AFG1L: variants seen among roughly 807,000 people sequenced by gnomAD.
The protein encoded by AFG1L is AFG1 like ATPase.
In AFG1L, 53 loss-of-function variants were observed where a neutral mutation model predicts 62.2. The ratio of observed to expected loss-of-function variants is 0.85; its 90% CI spans 0.68 to 1.07. AFG1L has a LOEUF of 1.07. Ranked by LOEUF, AFG1L falls within the 50% of genes least tolerant of loss-of-function variation. The probability of loss-of-function intolerance (pLI) is 0.00; values close to 1 mark genes in which losing one functional copy is unlikely to be tolerated. For missense variants in AFG1L, 555 were observed against 590.5 expected (o/e 0.94, Z 0.62); for synonymous variants, 228 against 210.3 (o/e 1.08, Z -0.73).
intron 1 of AFG1L, among the ~76,000 whole-genome samples, chr6:108,300,918 C>T (rs1409584335): frequency 6.6e-6 from 1 of 152,106 alleles, no homozygotes; most frequent in African/African-American, 2.4e-5. Flanking sequence ...GTGATCCGCC[C>T]GACTTGACCT....
intron 7 of AFG1L, among the ~76,000 whole-genome samples, chr6:108,446,015 CAAT>C (rs1412123336): frequency 6.7e-6 from 1 of 148,966 alleles, no homozygotes; most frequent in Admixed American, 6.7e-5. Context: ...AAGGGAAACA[CAAT>C]AAAATGAAGT....
chr6:108,315,092 C>T (rs894678126), intron 1 of AFG1L, among the ~76,000 whole-genome samples: 5 of 152,106 alleles, frequency 3.3e-5, no homozygotes, highest in African/African-American at 4.8e-5. Context: ...AGTGATCTGC[C>T]TGCCTCGAAC....
At position 108,356,697 on chromosome 6, in the gene AFG1L, T is replaced by C. The variant is rs1276606437; in HGVS notation, c.525T>C (p.His175=). Residue 175 remains histidine (H), a synonymous_variant, in exon 5 of 13, where the codon CAT becomes CAC. Transcript: ENST00000368977. ...GFMLDVHKRI[H]RLKQSLPKRK... is the part of the protein sequence containing the mutation. ...TAATTTCATGCATTTAAGGAATACA[T>C]CGCCTTAAACAGAGTTTGCCAAAAA... 6.2e-7 allele frequency: 1 copy of C among 1,603,362 alleles called. No homozygotes were observed. The highest frequency in any genetic ancestry group is 8.5e-7 in the Non-Finnish European group (1 of 1,174,966).
chr6:108,518,573 C>T (rs1774993931), intron 11 of AFG1L, among the ~76,000 whole-genome samples: 1 of 151,918 alleles, frequency 6.6e-6, no homozygotes, highest in African/African-American at 2.4e-5. Context: ...ATGGGTGCAG[C>T]ACACTAACAT....
intron 1 of AFG1L, among the ~76,000 whole-genome samples, chr6:108,316,694 G>A (rs1044353611): frequency 6.6e-6 from 1 of 151,630 alleles, no homozygotes; most frequent in Non-Finnish European, 1.5e-5. Context: ...CACCACGCCT[G>A]GCTAATTTTT....
In AFG1L at chr6:108,486,357, G is replaced by A. The variant is rs928953000; in HGVS notation, c.1062+9065G>A. Among the ~76,000 whole-genome samples, 5 of 152,050 alleles carry A rather than the reference G, an allele frequency of 3.3e-5. 1 individual carries two copies. The highest frequency in any genetic ancestry group is 7.4e-5 in the Non-Finnish European group (5 of 68,024). ...TAGTACCTTCTCCCAGATTAGATCA[G>A]TTGACCCAAAATTAGTAATTATTTA... On this transcript the variant is annotated intron_variant, in intron 10 of 12. Transcript: ENST00000368977.
chr6:108,467,668 C>T (rs982578910), intron 8 of AFG1L, among the ~76,000 whole-genome samples: 1 of 152,160 alleles, frequency 6.6e-6, no homozygotes, highest in East Asian at 1.9e-4. Flanking sequence ...AATCTTGTCA[C>T]AGTACATTGA....
At chr6:108,296,805 T>G (rs987851065) in intron 1 of AFG1L, among the ~76,000 whole-genome samples, 2 of 152,366 alleles carry the variant, frequency 1.3e-5, no homozygotes, top group African/African-American at 4.8e-5. Flanking sequence ...ACATATAAAA[T>G]TCACTGAATG....
In AFG1L at chr6:108,524,001, T is replaced by A. The variant is rs1206248152; in HGVS notation, c.*1576T>A. ...CTTAGAAAGTGAATATTATAACCCC[T>A]GTTTAAAAATAAGAAAACTGAGTCT... On this transcript the variant is annotated 3_prime_UTR_variant, in exon 13 of 13. Coordinates refer to ENST00000368977, the MANE Select transcript of AFG1L (RefSeq NM_145315.5). 1 of 145,846 alleles carries A rather than the reference T, an allele frequency of 6.9e-6. No individual in the cohort carries two copies. Among genetic ancestry groups the A allele is most frequent in the Non-Finnish European group, 1.6e-5 (1 of 63,800 alleles). The allele number at this position is 145,846 out of a possible 1,614,324, so 9.0% of individuals were successfully genotyped here.
intron 10 of AFG1L, among the ~76,000 whole-genome samples, chr6:108,492,880 G>A (rs888915761): frequency 6.6e-6 from 1 of 151,944 alleles, no homozygotes; most frequent in East Asian, 1.9e-4. Context: ...TCATGTTAAA[G>A]TAAATGCCTT....
Position 108,523,704 on chromosome 6 carries a change from C to G in AFG1L, c.*1279C>G, listed in dbSNP as rs1775215316. 6.6e-6 allele frequency: 1 copy of G among 151,924 alleles called. No homozygotes were observed. The highest frequency in any genetic ancestry group is 1.5e-5 in the Non-Finnish European group (1 of 67,992). The allele number at this position is 151,924 out of a possible 1,614,324, so 9.4% of individuals were successfully genotyped here. On this transcript the variant is annotated 3_prime_UTR_variant, in exon 13 of 13. Transcript: ENST00000368977. The stretch of plus-strand genomic sequence containing the variant: ...GCAGGGGTAGTGTGGCACAGCATGG[C>G]CCTATTTAATTTCTTAGTCAATAAT...
chr6:108,317,004 G>A (rs561436076), intron 1 of AFG1L, among the ~76,000 whole-genome samples: 10 of 152,072 alleles, frequency 6.6e-5, no homozygotes, highest in African/African-American at 2.4e-4. Flanking sequence ...TCCAAGACAC[G>A]TACCTCCCCT....
At chr6:108,503,512 G>T (rs1774284018) in intron 10 of AFG1L, among the ~76,000 whole-genome samples, 1 of 152,148 alleles carries the variant, frequency 6.6e-6, no homozygotes, top group African/African-American at 2.4e-5. Flanking sequence ...CTTAAAGGGG[G>T]CTTAAAATAC....
At chr6:108,511,432 C>T (rs1774649149) in intron 11 of AFG1L, among the ~76,000 whole-genome samples, 2 of 152,158 alleles carry the variant, frequency 1.3e-5, no homozygotes, top group Non-Finnish European at 2.9e-5. Flanking sequence ...GCTGTCTATC[C>T]TAAAGGCCAT....
At chr6:108,514,756 T>G (rs1774809082) in intron 11 of AFG1L, among the ~76,000 whole-genome samples, 1 of 152,062 alleles carries the variant, frequency 6.6e-6, no homozygotes, top group African/African-American at 2.4e-5. Context: ...GAAACCCATC[T>G]CACATGCAGA....
intron 10 of AFG1L, among the ~76,000 whole-genome samples, chr6:108,491,921 T>C (rs1343017042): frequency 6.6e-6 from 1 of 152,172 alleles, no homozygotes; most frequent in Non-Finnish European, 1.5e-5. Context: ...TATCCAAGCC[T>C]GAGAGAGTTC....
intron 6 of AFG1L, among the ~76,000 whole-genome samples, chr6:108,399,178 G>T (rs7745152): frequency 0.071 from 4,444 of 62,290 alleles, 324 homozygotes; most frequent in African/African-American, 0.21. Context: ...TCTTTTGTTT[G>T]TTTTTTTTTT....
At chr6:108,316,971 ATTTTC>A (rs1389238417) in intron 1 of AFG1L, among the ~76,000 whole-genome samples, 3 of 151,930 alleles carry the variant, frequency 2.0e-5, no homozygotes, top group African/African-American at 7.3e-5. Flanking sequence ...ACAATATACA[ATTTTC>A]TTTTAATTTC....
chr6:108,509,247 A>C (rs542377971), intron 10 of AFG1L, among the ~76,000 whole-genome samples: 1 of 152,282 alleles, frequency 6.6e-6, no homozygotes, highest in East Asian at 1.9e-4. Flanking sequence ...TTTGTGAATA[A>C]TATTGTGGAC....
Sources: allele counts gnomAD v4.1 joint callset (sites outside exome capture counted in the v4.1 genomes callset), GRCh38; gene constraint gnomAD v4.1.1; transcripts MANE v1.5; gene names NCBI Gene and HGNC (gene_info 2026-07-23, HGNC 2026-07-21).